The following RANBP17 variants were observed in gnomAD, a reference collection of about 807,000 sequenced individuals.
RANBP17 encodes the protein ran-binding protein 17.
In RANBP17, 158 loss-of-function variants were observed where a neutral mutation model predicts 141.2. The observed-to-expected ratio is 1.12, with a 90% CI of 0.98 to 1.28. The LOEUF (loss-of-function observed/expected upper bound fraction) is 1.28, where lower values mean the gene tolerates loss of function less well. Among genes scored for constraint, RANBP17 ranks in the 50% most tolerant of loss-of-function variants. RANBP17 has a pLI of 0.00. For missense variants in RANBP17, 1,438 were observed against 1,290.7 expected, an observed-to-expected ratio of 1.11 and a Z score of -1.75; for synonymous variants, 430 against 450.0, an observed-to-expected ratio of 0.96 and a Z score of 0.56.
intron 19 of RANBP17, 21 bp from the exon 20 acceptor site, chr5:171,205,503 G>A (rs780249673): frequency 1.9e-6 from 3 of 1,605,098 alleles, no homozygotes; most frequent in South Asian, 2.2e-5. Flanking sequence ...ATCAATTACT[G>A]TGTCTCTTTC....
intron 5 of RANBP17, among the ~76,000 whole-genome samples, chr5:170,908,800 A>T (rs908306154): frequency 2.0e-5 from 3 of 151,930 alleles, no homozygotes; most frequent in African/African-American, 7.2e-5. Context: ...TATAATCTAA[A>T]TTATATGTTG....
chr5:171,208,783 A>G (rs1250800717), intron 20 of RANBP17, among the ~76,000 whole-genome samples: 1 of 152,202 alleles, frequency 6.6e-6, no homozygotes, highest in Non-Finnish European at 1.5e-5. Context: ...TTTCCATAAA[A>G]CAAGACTAAT....
At chr5:170,889,889 C>T (rs540622497) in intron 3 of RANBP17, among the ~76,000 whole-genome samples, 3 of 152,222 alleles carry the variant, frequency 2.0e-5, no homozygotes, top group Admixed American at 2.0e-4. Context: ...ATTATTGGTG[C>T]TTACTAAATT....
chr5:170,933,448 T>A (rs1178895476), intron 12 of RANBP17, among the ~76,000 whole-genome samples: 3 of 152,224 alleles, frequency 2.0e-5, no homozygotes, highest in African/African-American at 4.8e-5. Flanking sequence ...TTTCTAGCCT[T>A]CTGCTAGCCT....
chr5:170,962,409 G>T (rs796315923), intron 13 of RANBP17, among the ~76,000 whole-genome samples: 5 of 152,272 alleles, frequency 3.3e-5, no homozygotes, highest in African/African-American at 1.2e-4. Flanking sequence ...GGGAATGTGT[G>T]CTATAAAAAG....
At chr5:171,063,968 G>C (rs149705757) in intron 14 of RANBP17, among the ~76,000 whole-genome samples, 2 of 152,242 alleles carry the variant, frequency 1.3e-5, no homozygotes, top group Non-Finnish European at 2.9e-5. Flanking sequence ...CTCCAAGCCA[G>C]GTGCGGGATA....
intron 14 of RANBP17, among the ~76,000 whole-genome samples, chr5:171,064,639 G>A (rs982257927): frequency 2.0e-5 from 3 of 152,098 alleles, no homozygotes; most frequent in African/African-American, 7.2e-5. Flanking sequence ...TGGGACTACA[G>A]ACACATGCCA....
intron 24 of RANBP17, chr5:171,251,794 G>C: frequency 1.7e-6 from 2 of 1,173,080 alleles, no homozygotes; most frequent in East Asian, 4.7e-5. Context: ...TGATTGGGTG[G>C]AAGATGGTGC....
At chr5:171,004,346 C>T (rs530714098) in intron 14 of RANBP17, among the ~76,000 whole-genome samples, 18 of 152,064 alleles carry the variant, frequency 1.2e-4, no homozygotes, top group South Asian at 8.3e-4. Flanking sequence ...GCAGATAATT[C>T]GGTTAAAATG....
chr5:171,194,198 T>C (rs1480700580), intron 18 of RANBP17, among the ~76,000 whole-genome samples: 3 of 152,254 alleles, frequency 2.0e-5, no homozygotes, highest in Admixed American at 2.0e-4. Flanking sequence ...GTTGGTATTA[T>C]TGTTTTAGAT....
intron 14 of RANBP17, among the ~76,000 whole-genome samples, chr5:171,101,211 A>G (rs932417994): frequency 1.3e-5 from 2 of 152,112 alleles, no homozygotes; most frequent in African/African-American, 4.8e-5. Context: ...AAAGTCTCCC[A>G]TTATTATTGT....
At chr5:171,202,032 A>C (rs2127956482) in intron 19 of RANBP17, among the ~76,000 whole-genome samples, 1 of 152,264 alleles carries the variant, frequency 6.6e-6, no homozygotes, top group East Asian at 1.9e-4. Context: ...GCATTTTCTA[A>C]CTCCCTATTT....
chr5:171,277,938 CTTTTTTTTTTTT>C (rs140208253), intron 25 of RANBP17, among the ~76,000 whole-genome samples: 5 of 72,266 alleles, frequency 6.9e-5, no homozygotes, highest in Non-Finnish European at 1.2e-4. Flanking sequence ...GGACTTCTTT[CTTTTTTTTTTTT>C]TTTTTTTTTT....
intron 5 of RANBP17, among the ~76,000 whole-genome samples, chr5:170,903,233 C>T (rs372741663): frequency 2.0e-4 from 31 of 152,322 alleles, no homozygotes; most frequent in East Asian, 1.5e-3. Flanking sequence ...GTCTGGCTAC[C>T]GTGGTGGGCT....
chr5:171,293,798 G>A, intron 25 of RANBP17, 85 bp from the exon 26 acceptor site: 1 of 957,022 alleles, frequency 1.0e-6, no homozygotes, highest in Non-Finnish European at 1.7e-6. Flanking sequence ...AGATGGAGGG[G>A]TGGAATCTGA....
chr5:171,021,184 C>G (rs1267325487), intron 14 of RANBP17, among the ~76,000 whole-genome samples: 1 of 152,192 alleles, frequency 6.6e-6, no homozygotes, highest in East Asian at 1.9e-4. Flanking sequence ...CGTGACCTTT[C>G]TCTCTGGCTG....
In RANBP17 at chr5:171,240,966, C is replaced by A; in HGVS notation, c.2461C>A (p.Gln821Lys). Residue 821 changes from glutamine to lysine, a missense_variant, in exon 23 of 28, where the codon CAG (glutamine) becomes AAG (lysine). By Grantham distance (53) the Gln-to-Lys change is moderately conservative (BLOSUM62 1). Transcript: ENST00000523189. ...GTCCCTTGGGAGCCTCTCAAAAGAT[C>A]AGATTTATCCAATGAAACTCAAGGG... ...ILSLGSLSKD[Q>K]IYPMKLKGIS... 6.2e-7 allele frequency: 1 copy of A among 1,613,798 alleles called. No individual in the cohort carries two copies. The highest frequency in any genetic ancestry group is 8.5e-7 in the Non-Finnish European group (1 of 1,179,810).
intron 1 of RANBP17, 70 bp from the exon 2 acceptor site, chr5:170,878,027 G>GT (rs1224398308): frequency 1.8e-6 from 2 of 1,129,210 alleles, no homozygotes; most frequent in African/African-American, 1.6e-5. Flanking sequence ...TGTATCCCTT[G>GT]TTTTTTGTGG....
intron 26 of RANBP17, among the ~76,000 whole-genome samples, chr5:171,294,488 C>T (rs1170255225): frequency 2.0e-5 from 3 of 152,160 alleles, no homozygotes; most frequent in Non-Finnish European, 4.4e-5. Context: ...TCCTCTTGAA[C>T]CCACACATCT....
Sources: gnomAD v4.1 joint callset for allele counts (sites outside exome capture counted in the v4.1 genomes callset) on GRCh38, gnomAD v4.1.1 for gene constraint, MANE v1.5 for transcripts, NCBI Gene and HGNC (gene_info 2026-07-23, HGNC 2026-07-21) for gene names.